RB1: variants seen among roughly 807,000 people sequenced by gnomAD.
RB1 encodes the protein retinoblastoma-associated protein.
A neutral mutation model predicts 135.4 loss-of-function variants in RB1; 18 were observed. The ratio of observed to expected loss-of-function variants is 0.13; its 90% CI spans 0.09 to 0.20. The LOEUF (loss-of-function observed/expected upper bound fraction) is 0.20, where lower values mean the gene tolerates loss of function less well. RB1 is among the 10% of genes least tolerant of loss of function. The pLI is 1.00. For missense variants in RB1, 868 were observed against 1,110.0 expected (o/e 0.78, Z 3.10); for synonymous variants, 365 against 373.2 (o/e 0.98, Z 0.25).
Position 48,480,612 on chromosome 13 carries a change from T to A in RB1, c.*541T>A, listed in dbSNP as rs754495142. 8 of 226,464 alleles carry A rather than the reference T, an allele frequency of 3.5e-5. No individual in the cohort carries two copies. Among genetic ancestry groups the A allele is most frequent in the Non-Finnish European group, 6.1e-5 (7 of 113,886 alleles). 14.0% of individuals were successfully genotyped at this position (226,464 alleles called of 1,614,324 possible). ...ATATTATTAGAAATTAGAAAAAAAT[T>A]ACTAATTTTACACATTAGATTTTAT... On this transcript the variant is annotated 3_prime_UTR_variant, in exon 27 of 27. Coordinates refer to ENST00000267163, the MANE Select transcript of RB1 (RefSeq NM_000321.3).
chr13:48,392,659 A>G (rs768491385), intron 17 of RB1, among the ~76,000 whole-genome samples: 2 of 152,068 alleles, frequency 1.3e-5, no homozygotes, highest in African/African-American at 2.4e-5. Flanking sequence ...CTTCTTGAAC[A>G]TATGGGATAT....
intron 10 of RB1, among the ~76,000 whole-genome samples, chr13:48,367,934 A>G (rs1196169566): frequency 6.6e-6 from 1 of 152,102 alleles, no homozygotes; most frequent in Non-Finnish European, 1.5e-5. Context: ...TTCATATACT[A>G]TTGCCTGCCT....
intron 17 of RB1, among the ~76,000 whole-genome samples, chr13:48,431,925 G>GT: frequency 6.6e-6 from 1 of 152,160 alleles, no homozygotes; most frequent in East Asian, 1.9e-4. Context: ...TTTATTGAGT[G>GT]TAACTGTGTA....
intron 17 of RB1, among the ~76,000 whole-genome samples, chr13:48,415,481 T>C (rs1948893580): frequency 6.6e-6 from 1 of 152,042 alleles, no homozygotes; most frequent in Non-Finnish European, 1.5e-5. Context: ...GGTTTTACCA[T>C]GTGGCCAGGC....
At chr13:48,418,982 G>A (rs1299935672) in intron 17 of RB1, among the ~76,000 whole-genome samples, 1 of 152,068 alleles carries the variant, frequency 6.6e-6, no homozygotes, top group East Asian at 1.9e-4. Context: ...AGATCAATGA[G>A]ACAGAAAATT....
At chr13:48,313,940 G>A (rs1241783962) in intron 2 of RB1, among the ~76,000 whole-genome samples, 6 of 151,760 alleles carry the variant, frequency 4.0e-5, no homozygotes, top group Non-Finnish European at 7.4e-5. Flanking sequence ...TAGTAGAGAC[G>A]GGGTTTCACT....
intron 17 of RB1, among the ~76,000 whole-genome samples, chr13:48,405,291 A>C (rs1318105834): frequency 2.0e-5 from 3 of 152,230 alleles, no homozygotes; most frequent in African/African-American, 7.2e-5. Flanking sequence ...TAACAAATAC[A>C]GTTTAAAGTT....
intron 12 of RB1, among the ~76,000 whole-genome samples, chr13:48,375,036 G>A (rs945702682): frequency 6.6e-6 from 1 of 152,020 alleles, no homozygotes; most frequent in African/African-American, 2.4e-5. Flanking sequence ...GCTGCAAAGG[G>A]CATAATTTCA....
chr13:48,363,007 T>G, intron 8 of RB1, 50 bp downstream of exon 8: 1 of 1,592,506 alleles, frequency 6.3e-7, no homozygotes, highest in African/African-American at 1.3e-5. Flanking sequence ...GATTTAGATG[T>G]AAGTTCTCCC....
At chr13:48,318,278 G>A (rs557050819) in intron 2 of RB1, 11 of 1,004,516 alleles carry the variant, frequency 1.1e-5, no homozygotes, top group Non-Finnish European at 1.4e-5. Flanking sequence ...AGTCTCTCGG[G>A]AGCCCGCCCA....
At chr13:48,447,111 T>G (rs1347093102) in intron 17 of RB1, among the ~76,000 whole-genome samples, 1 of 152,218 alleles carries the variant, frequency 6.6e-6, no homozygotes, top group East Asian at 1.9e-4. Context: ...CAATATGACT[T>G]GCCTGGTGTC....
chr13:48,395,194 A>G (rs1315405923), intron 17 of RB1, among the ~76,000 whole-genome samples: 4 of 152,208 alleles, frequency 2.6e-5, no homozygotes, highest in African/African-American at 9.6e-5. Flanking sequence ...AGAAATGAAT[A>G]GCATCAACAT....
intron 13 of RB1, among the ~76,000 whole-genome samples, chr13:48,378,108 A>G (rs1051489751): frequency 6.6e-6 from 1 of 152,186 alleles, no homozygotes; most frequent in African/African-American, 2.4e-5. Flanking sequence ...CTATGACATG[A>G]CTGTACACTA....
At chr13:48,328,635 A>G (rs968659038) in intron 2 of RB1, 37 of 572,750 alleles carry the variant, frequency 6.5e-5, no homozygotes, top group Admixed American at 3.1e-4. Context: ...ATAATTAGAT[A>G]TAGAAAATAG....
chr13:48,364,196 A>G (rs1347809683), intron 8 of RB1, among the ~76,000 whole-genome samples: 1 of 152,172 alleles, frequency 6.6e-6, no homozygotes, highest in Non-Finnish European at 1.5e-5. Flanking sequence ...AAAATTTTGG[A>G]GATTTGCAAT....
rs139023385 is a variant in RB1, at chr13:48,480,774, G to T, written c.*703G>T. 1,067 of 226,770 alleles carry T rather than the reference G, an allele frequency of 4.7e-3. 9 individuals are homozygous for T. The highest frequency in any genetic ancestry group is 0.02 in the African/African-American group (912 of 45,068). 14.0% of individuals were successfully genotyped at this position (226,770 alleles called of 1,614,324 possible). A position where few individuals can be genotyped will look rare whatever the true frequency, so the allele number is the denominator to read the frequency against. Reference sequence around the variant, plus strand: ...AGATTTCATACCTCAGAATGTAAAAGAACTTACTGATTATTTTCTTCATCC... The same window carrying T: ...AGATTTCATACCTCAGAATGTAAAATAACTTACTGATTATTTTCTTCATCC... On this transcript the variant is annotated 3_prime_UTR_variant, in exon 27 of 27. Transcript: ENST00000267163.
chr13:48,474,798 G>A (rs955225213), intron 24 of RB1, among the ~76,000 whole-genome samples: 1 of 152,010 alleles, frequency 6.6e-6, no homozygotes, highest in Non-Finnish European at 1.5e-5. Context: ...AACCCTAGTT[G>A]GCCTTCCATT....
At chr13:48,411,838 G>A in intron 17 of RB1, 3 of 1,612,832 alleles carry the variant, frequency 1.9e-6, no homozygotes, top group Non-Finnish European at 2.5e-6. Context: ...AAAATTAGAG[G>A]AATAAAAAAT....
At chr13:48,338,400 A>C (rs1364464194) in intron 2 of RB1, among the ~76,000 whole-genome samples, 1 of 151,922 alleles carries the variant, frequency 6.6e-6, no homozygotes, top group East Asian at 1.9e-4. Context: ...TTTTCTCTAA[A>C]CTTCTCTTCT....
Sources: gnomAD v4.1 joint callset for allele counts (sites outside exome capture counted in the v4.1 genomes callset) on GRCh38, gnomAD v4.1.1 for gene constraint, MANE v1.5 for transcripts, NCBI Gene and HGNC (gene_info 2026-07-23, HGNC 2026-07-21) for gene names.